The following CEMIP variants were observed in gnomAD, a reference collection of about 807,000 sequenced individuals.
CEMIP encodes the protein cell migration-inducing and hyaluronan-binding protein.
A neutral mutation model predicts 156.9 loss-of-function variants in CEMIP; 105 were observed. That is an observed-to-expected ratio of 0.67 (90% CI 0.57 to 0.79). The LOEUF is 0.79. Among genes scored for constraint, CEMIP ranks in the 30% least tolerant of loss-of-function variants. The pLI is 0.00. For synonymous variants in CEMIP, 676 were observed against 668.4 expected (o/e 1.01, Z -0.17); for missense variants, 1,457 against 1,769.4 (o/e 0.82, Z 3.17).
At chr15:80,845,638 A>G (rs1193066670) in intron 1 of CEMIP, among the ~76,000 whole-genome samples, 1 of 152,148 alleles carries the variant, frequency 6.6e-6, no homozygotes, top group Non-Finnish European at 1.5e-5. Context: ...TCCAGGGAAA[A>G]CAGACAGTTC....
At chr15:80,783,984 C>T (rs952101860) in intron 1 of CEMIP, among the ~76,000 whole-genome samples, 1 of 152,200 alleles carries the variant, frequency 6.6e-6, no homozygotes, top group Non-Finnish European at 1.5e-5. Context: ...CTCCAGGAAT[C>T]TGAATCCATC....
intron 24 of CEMIP, among the ~76,000 whole-genome samples, chr15:80,937,521 C>A (rs559741900): frequency 6.6e-6 from 1 of 152,288 alleles, no homozygotes; most frequent in African/African-American, 2.4e-5. Flanking sequence ...GTCTTTTTCC[C>A]AAAGTTCCAT....
intron 5 of CEMIP, among the ~76,000 whole-genome samples, chr15:80,880,258 C>T (rs1898602548): frequency 6.6e-6 from 1 of 152,176 alleles, no homozygotes; most frequent in African/African-American, 2.4e-5. Context: ...CAGGAATGCA[C>T]AAGGATATGC....
intron 14 of CEMIP, among the ~76,000 whole-genome samples, chr15:80,916,082 T>G (rs569773666): frequency 6.6e-6 from 1 of 152,364 alleles, no homozygotes; most frequent in African/African-American, 2.4e-5. Context: ...AACAGCAGTT[T>G]CTTTTACTTG....
In CEMIP at chr15:80,889,595, A is replaced by T; in HGVS notation, c.1086+3A>T. 6.2e-7 allele frequency: 1 copy of T among 1,614,094 alleles called. No individual in the cohort carries two copies. Among genetic ancestry groups the T allele is most frequent in the Non-Finnish European group, 8.5e-7 (1 of 1,179,972 alleles). Reference sequence around the variant, plus strand: ...GCAATCGTCCCATTGATATACAGGTACCAAACTCACAGCAAAAATAGAAAA... The same window carrying T: ...GCAATCGTCCCATTGATATACAGGTTCCAAACTCACAGCAAAAATAGAAAA... On this transcript the variant is annotated splice_donor_region_variant and intron_variant, in intron 10 of 29. Transcript: ENST00000394685.
rs779331312 is a variant in CEMIP, at chr15:80,950,147, C to T, written c.*1223C>T. ...TGAGCACAGGGGGCCTCCAGGAGAC[C>T]CTAGATGTGCTCGTACTCCCTCGGC... On this transcript the variant is annotated 3_prime_UTR_variant, in exon 30 of 30. Transcript: ENST00000394685. The T allele has an allele frequency of 1.4e-4, 22 of 152,370 alleles. No individual in the cohort carries two copies. The highest frequency in any genetic ancestry group is 3.4e-3 in the Middle Eastern group (1 of 292). The allele number at this position is 152,370 out of a possible 1,614,324, so 9.4% of individuals were successfully genotyped here.
chr15:80,887,656 C>T (rs369674073), intron 7 of CEMIP, 38 bp from the exon 8 acceptor site: 29 of 1,533,340 alleles, frequency 1.9e-5, no homozygotes, highest in Non-Finnish European at 2.4e-5. Context: ...CAGACTCGTG[C>T]AGAACTTTAC....
At chr15:80,927,328 G>A (rs1900734136) in intron 19 of CEMIP, among the ~76,000 whole-genome samples, 1 of 152,138 alleles carries the variant, frequency 6.6e-6, no homozygotes, top group Non-Finnish European at 1.5e-5. Context: ...CCTACCATAT[G>A]AGACACCAAT....
intron 5 of CEMIP, 90 bp downstream of exon 5, chr15:80,879,944 G>GCCCT: frequency 4.9e-6 from 7 of 1,431,634 alleles, no homozygotes; most frequent in Non-Finnish European, 6.8e-6. Flanking sequence ...AAGAGGGCAA[G>GCCCT]CTTGCCTGTA....
Position 80,887,776 on chromosome 15 carries a change from C to T in CEMIP, c.868+12C>T. The T allele has an allele frequency of 6.2e-7, 1 of 1,604,900 alleles. No homozygotes were observed. Among genetic ancestry groups the T allele is most frequent in the Non-Finnish European group, 8.5e-7 (1 of 1,172,124 alleles). On this transcript the variant is annotated intron_variant, in intron 8 of 29. Coordinates refer to ENST00000394685, the MANE Select transcript of CEMIP (RefSeq NM_001293298.2). ...TATTGAATATCATGGTAATACATAG[C>T]TGGCTGGAGGCCTGATTCCCTCCAG...
At chr15:80,828,985 G>C (rs944997636) in intron 1 of CEMIP, among the ~76,000 whole-genome samples, 3 of 152,184 alleles carry the variant, frequency 2.0e-5, no homozygotes, top group Non-Finnish European at 4.4e-5. Context: ...TCCCTGCACA[G>C]AAAGTGGTCT....
intron 12 of CEMIP, among the ~76,000 whole-genome samples, chr15:80,901,573 G>C (rs773055440): frequency 1.3e-5 from 2 of 151,934 alleles, no homozygotes; most frequent in Non-Finnish European, 2.9e-5. Context: ...GTGGTGGCAG[G>C]CACCTGTAAT....
At chr15:80,936,997 C>A (rs1338691430) in intron 24 of CEMIP, 112 bp downstream of exon 24, 1 of 1,011,742 alleles carries the variant, frequency 9.9e-7, no homozygotes. Flanking sequence ...GTGATCCATG[C>A]AGGAGTACCT....
chr15:80,840,421 G>A (rs973893580), intron 1 of CEMIP, among the ~76,000 whole-genome samples: 12 of 152,088 alleles, frequency 7.9e-5, no homozygotes, highest in South Asian at 6.2e-4. Context: ...GCTGGCCCAC[G>A]GGTAATGCCT....
intron 25 of CEMIP, among the ~76,000 whole-genome samples, chr15:80,939,865 C>G (rs1901274826): frequency 6.6e-6 from 1 of 152,166 alleles, no homozygotes; most frequent in Non-Finnish European, 1.5e-5. Flanking sequence ...TAATAATCTA[C>G]TATGGGCTAG....
intron 1 of CEMIP, among the ~76,000 whole-genome samples, chr15:80,840,327 G>A (rs1897375968): frequency 1.3e-5 from 2 of 152,082 alleles, no homozygotes; most frequent in Non-Finnish European, 2.9e-5. Flanking sequence ...TCATTCATGG[G>A]GACTCCACAC....
chr15:80,796,910 C>T (rs1254949861), intron 1 of CEMIP, among the ~76,000 whole-genome samples: 2 of 152,040 alleles, frequency 1.3e-5, no homozygotes, highest in East Asian at 3.9e-4. Flanking sequence ...TTGAACCTTA[C>T]AAAGTATAGT....
chr15:80,940,051 C>G (rs544631542), intron 25 of CEMIP, among the ~76,000 whole-genome samples: 2 of 152,320 alleles, frequency 1.3e-5, no homozygotes, highest in East Asian at 3.9e-4. Flanking sequence ...TTGCTTAATA[C>G]CACCTCAGTG....
intron 1 of CEMIP, among the ~76,000 whole-genome samples, chr15:80,866,320 T>C (rs1462376803): frequency 6.6e-6 from 1 of 152,240 alleles, no homozygotes; most frequent in Non-Finnish European, 1.5e-5. Context: ...CTGGGCACGT[T>C]GGCTCAAGCC....
Sources: gnomAD v4.1 joint callset for allele counts (sites outside exome capture counted in the v4.1 genomes callset) on GRCh38, gnomAD v4.1.1 for gene constraint, MANE v1.5 for transcripts, NCBI Gene and HGNC (gene_info 2026-07-23, HGNC 2026-07-21) for gene names.